ADAP1: variants seen among roughly 807,000 people sequenced by gnomAD.
ADAP1 encodes ArfGAP with dual PH domains 1.
In ADAP1, 31 loss-of-function variants were observed where a neutral mutation model predicts 54.9. The observed-to-expected ratio is 0.56, with a 90% CI of 0.42 to 0.76. The LOEUF is 0.76. Among genes scored for constraint, ADAP1 ranks in the 30% least tolerant of loss-of-function variants. The pLI is 0.00. For missense variants in ADAP1, 535 were observed against 512.4 expected (o/e 1.04, Z -0.42); for synonymous variants, 313 against 202.6 (o/e 1.55, Z -4.63).
chr7:910,679 C>T (rs780548730), intron 4 of ADAP1, among the ~76,000 whole-genome samples: 5 of 152,220 alleles, frequency 3.3e-5, no homozygotes, highest in Admixed American at 6.5e-5. Flanking sequence ...CAGGGAAGCA[C>T]GTGGCCCTGC....
intron 4 of ADAP1, among the ~76,000 whole-genome samples, chr7:906,716 TCG>T (rs1162476383): frequency 1.1e-3 from 23 of 20,430 alleles, no homozygotes; most frequent in South Asian, 6.8e-3. Context: ...GGACGGGACA[TCG>T]GGGACGGGAC....
At position 926,819 on chromosome 7, in the gene ADAP1, TG is replaced by T. The variant is rs1364493590; in HGVS notation, c.214-176del. 10 of 731,052 alleles carry T rather than the reference TG, an allele frequency of 1.4e-5. No individual in the cohort carries two copies. The highest frequency in any genetic ancestry group is 8.1e-4 in the Middle Eastern group (2 of 2,478). The allele number at this position is 731,052 out of a possible 1,614,324, so 45.3% of individuals were successfully genotyped here. A position where few individuals can be genotyped will look rare whatever the true frequency, so the allele number is the denominator to read the frequency against. ...CTGCCCCAGGGACACCATTTCTGAG[TG>T]ATCGACCCTCCCCTGGGACAGGGAA... On this transcript the variant is annotated intron_variant, in intron 2 of 10. Coordinates refer to ENST00000265846, the MANE Select transcript of ADAP1 (RefSeq NM_006869.4). The surrounding 1 kb of genome is among the most constrained non-coding windows in gnomAD (Gnocchi z 4.6).
chr7:915,060 C>G, intron 4 of ADAP1, among the ~76,000 whole-genome samples: 1 of 52,306 alleles, frequency 1.9e-5, no homozygotes, highest in Admixed American at 1.9e-4. Flanking sequence ...CTGGTGCCTC[C>G]TGCGCGACCT....
chr7:913,676 TATA>T (rs1314805771), intron 4 of ADAP1, among the ~76,000 whole-genome samples: 1 of 152,076 alleles, frequency 6.6e-6, no homozygotes, highest in South Asian at 2.1e-4. Context: ...GGCTCACGCC[TATA>T]ATCTCAGCAC....
chr7:921,712 G>A (rs1846198358), intron 3 of ADAP1, among the ~76,000 whole-genome samples: 1 of 152,236 alleles, frequency 6.6e-6, no homozygotes, highest in African/African-American at 2.4e-5. Flanking sequence ...CGCTCCGGCT[G>A]TGTGACCACG....
chr7:934,581 G>C (rs1304826538), intron 2 of ADAP1, among the ~76,000 whole-genome samples: 1 of 152,102 alleles, frequency 6.6e-6, no homozygotes, highest in Non-Finnish European at 1.5e-5. Flanking sequence ...GAGTGGGGCT[G>C]GGGTGACCCT....
chr7:900,342 T>C (rs1844727354), intron 7 of ADAP1, among the ~76,000 whole-genome samples, 178 bp from the exon 8 acceptor site: 1 of 152,078 alleles, frequency 6.6e-6, no homozygotes, highest in Admixed American at 6.5e-5. Flanking sequence ...CCTCCCCGCT[T>C]TCCCCTTTGG....
intron 4 of ADAP1, 137 bp from the exon 5 acceptor site, chr7:905,309 G>GGAC: frequency 3.4e-6 from 1 of 297,498 alleles, no homozygotes; most frequent in South Asian, 3.0e-5. Context: ...AGGGGGAGAC[G>GGAC]GACGGGGAGA....
intron 2 of ADAP1, 155 bp downstream of exon 2, chr7:935,220 A>G (rs1186255761): frequency 4.7e-5 from 50 of 1,060,536 alleles, no homozygotes; most frequent in Non-Finnish European, 6.6e-5. Flanking sequence ...GCCGCTGGAG[A>G]GGGGGCGGGG....
intron 4 of ADAP1, among the ~76,000 whole-genome samples, chr7:907,334 G>A (rs1845512071): frequency 2.0e-5 from 3 of 152,256 alleles, no homozygotes; most frequent in South Asian, 2.1e-4. Context: ...GGACAGGAGG[G>A]AAGGGGACGT....
Position 904,171 on chromosome 7 carries a change from C to T in ADAP1, c.603G>A (p.Lys201=), listed in dbSNP as rs775317996. The T allele has an allele frequency of 1.9e-5, 31 of 1,612,436 alleles. No individual in the cohort carries two copies. The highest frequency in any genetic ancestry group is 2.5e-5 in the Non-Finnish European group (29 of 1,179,838). ...TGAAGATGTTACGGGTGCTGTTGTC[C>T]TTCAGGTAGGTGACCTGCAGGCCGT... ...HPHGLQVTYL[K]DNSTRNIFIY... The change falls in exon 6 of 11, where the codon AAG becomes AAA. Residue 201 remains lysine, a synonymous_variant. Transcript: ENST00000265846.
At chr7:921,311 C>G (rs1416018024) in intron 3 of ADAP1, among the ~76,000 whole-genome samples, 1 of 152,216 alleles carries the variant, frequency 6.6e-6, no homozygotes, top group African/African-American at 2.4e-5. Flanking sequence ...CTGAAGACAT[C>G]TGCAAAGATC....
chr7:948,994 CCTCA>C (rs1279744412), intron 1 of ADAP1, among the ~76,000 whole-genome samples: 1 of 152,156 alleles, frequency 6.6e-6, no homozygotes, highest in Non-Finnish European at 1.5e-5. Context: ...CATGCCCGGC[CCTCA>C]CTCACAATTC....
intron 1 of ADAP1, among the ~76,000 whole-genome samples, chr7:942,085 G>A (rs542851694): frequency 1.3e-5 from 2 of 152,250 alleles, no homozygotes; most frequent in Admixed American, 6.5e-5. Context: ...GGAACAATCC[G>A]GTATCATCCA....
At position 946,360 on chromosome 7, in the gene ADAP1, G is replaced by A. The variant is rs7811597; in HGVS notation, c.82+8036C>T. On this transcript the variant is annotated intron_variant, in intron 1 of 10. Coordinates refer to ENST00000265846, the MANE Select transcript of ADAP1 (RefSeq NM_006869.4). This position sits in a 1 kb window ranked among gnomAD's most constrained non-coding sequence, Gnocchi z 4.3. ...AGGCCCCAGGCCCCCACCCCCTCAC[G>A]CTCACGGGCGGCCCTGGTCCCATTC... 0.62 allele frequency among the ~76,000 whole-genome samples: 94,205 copies of A among 151,394 alleles called. 29,492 individuals carry two copies. Among genetic ancestry groups the A allele is most frequent in the South Asian group, 0.81 (3,879 of 4,802 alleles).
chr7:935,314 G>C (rs1360872867), intron 2 of ADAP1, 61 bp downstream of exon 2: 1 of 1,527,628 alleles, frequency 6.5e-7, no homozygotes, highest in Non-Finnish European at 8.8e-7. Context: ...TCTGGCTCCA[G>C]AGGCCCGGGC....
rs1583175599 is a variant in ADAP1 at position 932,834 on chromosome 7, T to G, written c.213+2541A>C. ...GGGGATTCGCAGGGACGCCCTCAAC[T>G]CAGGGTGTGGGGGATCACGGCATTA... On this transcript the variant is annotated intron_variant, in intron 2 of 10. Coordinates refer to ENST00000265846, the MANE Select transcript of ADAP1 (RefSeq NM_006869.4). Among the ~76,000 whole-genome samples the G allele has an allele frequency of 2.0e-5, 3 of 152,290 alleles. No individual in the cohort carries two copies. In the South Asian group the frequency reaches 6.2e-4, roughly 32 times the overall value.
chr7:933,495 G>A (rs560590427), intron 2 of ADAP1, among the ~76,000 whole-genome samples: 69 of 101,768 alleles, frequency 6.8e-4, no homozygotes, highest in Non-Finnish European at 1.3e-3. Context: ...GCCGGGGGCC[G>A]GGGTCAGTGG....
Position 905,803 on chromosome 7 carries a change from A to G in ADAP1, c.389-631T>C, listed in dbSNP as rs796150898. 3.8e-3 allele frequency among the ~76,000 whole-genome samples: 158 copies of G among 41,734 alleles called. 1 individual carries two copies. Among genetic ancestry groups the G allele is most frequent in the African/African-American group, 0.01 (114 of 10,960 alleles). The allele number at this position is 41,734 out of a possible 152,430, so 27.4% of individuals were successfully genotyped here. A position where few individuals can be genotyped will look rare whatever the true frequency, so the allele number is the denominator to read the frequency against. On this transcript the variant is annotated intron_variant, in intron 4 of 10. Transcript: ENST00000265846. Reference sequence around the variant, plus strand: ...AGAAAGGAGAAAGGAGAAAGGAGAAAGGAGAAAGGAGAAGGGAGAAGGGAG... The same window carrying G: ...AGAAAGGAGAAAGGAGAAAGGAGAAGGGAGAAAGGAGAAGGGAGAAGGGAG...
Sources: gnomAD v4.1 joint callset for allele counts (sites outside exome capture counted in the v4.1 genomes callset) on GRCh38, gnomAD v4.1.1 for gene constraint, Gnocchi (gnomAD v3.1) non-coding constraint, MANE v1.5 for transcripts, NCBI Gene and HGNC (gene_info 2026-07-23, HGNC 2026-07-21) for gene names.